The following PRKCE variants were observed in gnomAD, a reference collection of about 807,000 sequenced individuals.
The protein encoded by PRKCE is protein kinase C epsilon type.
In PRKCE, 16 loss-of-function variants were observed where a neutral mutation model predicts 85.4. That is an observed-to-expected ratio of 0.19 (90% CI 0.13 to 0.28). PRKCE has a LOEUF of 0.28. Among genes scored for constraint, PRKCE ranks in the 10% least tolerant of loss-of-function variants. PRKCE has a pLI of 1.00. For synonymous variants in PRKCE, 388 were observed against 371.5 expected (o/e 1.04, Z -0.51); for missense variants, 573 against 975.2 (o/e 0.59, Z 5.49).
intron 10 of PRKCE, among the ~76,000 whole-genome samples, chr2:46,028,227 C>G (rs56950477): frequency 0.12 from 18,401 of 152,182 alleles, 2,303 homozygotes; most frequent in African/African-American, 0.32. Flanking sequence ...CAGGCGTGAG[C>G]CACCGCGTCC....
intron 1 of PRKCE, among the ~76,000 whole-genome samples, chr2:45,765,837 G>T (rs1236625848): frequency 6.6e-6 from 1 of 152,184 alleles, no homozygotes; most frequent in Admixed American, 6.5e-5. Context: ...ATGCACAGAA[G>T]GGGATTTCCC....
chr2:45,773,604 C>T (rs1685514925), intron 1 of PRKCE, among the ~76,000 whole-genome samples: 1 of 152,238 alleles, frequency 6.6e-6, no homozygotes, highest in Non-Finnish European at 1.5e-5. Context: ...GGCCTCCCTT[C>T]TCACTGTGTA....
intron 11 of PRKCE, among the ~76,000 whole-genome samples, chr2:46,132,017 G>T (rs1384219241): frequency 6.6e-6 from 1 of 151,880 alleles, no homozygotes; most frequent in Admixed American, 6.6e-5. Flanking sequence ...GAGTCTCAAA[G>T]CATAAAAAGA....
At chr2:46,079,892 G>A (rs989777629) in intron 10 of PRKCE, among the ~76,000 whole-genome samples, 2 of 152,222 alleles carry the variant, frequency 1.3e-5, no homozygotes, top group Non-Finnish European at 1.5e-5. Context: ...CTTCCAGCCA[G>A]TAGGTCATTA....
chr2:45,751,858 C>A (rs1683596380), intron 1 of PRKCE, among the ~76,000 whole-genome samples: 1 of 119,924 alleles, frequency 8.3e-6, no homozygotes, highest in Non-Finnish European at 1.7e-5. Flanking sequence ...CGCTCTGTCG[C>A]CCAGGCTGGA....
At chr2:46,086,391 A>C (rs933845458) in intron 11 of PRKCE, 29 bp downstream of exon 11, 1 of 1,586,782 alleles carries the variant, frequency 6.3e-7, no homozygotes, top group African/African-American at 1.3e-5. Context: ...CTCTTTCCTG[A>C]AAGTGAAGAA....
At chr2:45,698,124 T>C (rs1376340982) in intron 1 of PRKCE, 1 of 152,644 alleles carries the variant, frequency 6.6e-6, no homozygotes, top group Admixed American at 6.5e-5. Flanking sequence ...CACATGCGAA[T>C]GTGGCTGTTG....
intron 2 of PRKCE, among the ~76,000 whole-genome samples, chr2:45,881,188 T>C (rs2105811793): frequency 6.6e-6 from 1 of 152,180 alleles, no homozygotes; most frequent in South Asian, 2.1e-4. Context: ...AGGGTGTATT[T>C]GCCTTCAGAG....
rs1242728639 is a variant in PRKCE at position 46,186,018 on chromosome 2, T to C, written c.*1137T>C. The stretch of plus-strand genomic sequence containing the variant: ...AAGCAGAATGAGGCTAAACATGGGT[T>C]ATACAAAGGGTATCTGGAAACTGAA... On this transcript the variant is annotated 3_prime_UTR_variant, in exon 15 of 15. Coordinates refer to ENST00000306156, the MANE Select transcript of PRKCE (RefSeq NM_005400.3). The C allele has an allele frequency of 6.6e-6, 1 of 152,658 alleles. No homozygotes were observed. Among genetic ancestry groups the C allele is most frequent in the Non-Finnish European group, 1.5e-5 (1 of 68,036 alleles). 9.5% of individuals were successfully genotyped at this position (152,658 alleles called of 1,614,324 possible).
rs1382754768 is a variant in PRKCE, at chr2:46,186,466, A to T, written c.*1585A>T. On this transcript the variant is annotated 3_prime_UTR_variant, in exon 15 of 15. Coordinates refer to ENST00000306156, the MANE Select transcript of PRKCE (RefSeq NM_005400.3). ...CAACTGCTGCATGTTCAGGCATATT[A>T]TAAAACTTTAGTCTATGAAAGAATA... The T allele has an allele frequency of 6.6e-6, 1 of 152,666 alleles. No homozygotes were observed. Among genetic ancestry groups the T allele is most frequent in the Admixed American group, 6.5e-5 (1 of 15,282 alleles). The allele number at this position is 152,666 out of a possible 1,614,324, so 9.5% of individuals were successfully genotyped here. A position where few individuals can be genotyped will look rare whatever the true frequency, so the allele number is the denominator to read the frequency against.
At chr2:45,972,208 A>G (rs1254992632) in intron 2 of PRKCE, among the ~76,000 whole-genome samples, 2 of 152,130 alleles carry the variant, frequency 1.3e-5, no homozygotes, top group Non-Finnish European at 2.9e-5. Flanking sequence ...TTCCCTGATG[A>G]TTAGTGATGT....
intron 1 of PRKCE, among the ~76,000 whole-genome samples, chr2:45,694,423 C>T (rs924419351): frequency 1.3e-5 from 2 of 152,106 alleles, no homozygotes; most frequent in African/African-American, 4.8e-5. Context: ...GACTTCAACC[C>T]CATGCCACGT....
chr2:45,763,582 G>T (rs143176945), intron 1 of PRKCE, among the ~76,000 whole-genome samples: 1,636 of 151,742 alleles, frequency 0.011, 32 homozygotes, highest in African/African-American at 0.038. Flanking sequence ...ACAGTTTTCA[G>T]CATTTAAGTT....
chr2:45,945,617 A>G (rs541452256), intron 2 of PRKCE, among the ~76,000 whole-genome samples: 2 of 152,328 alleles, frequency 1.3e-5, no homozygotes, highest in East Asian at 3.9e-4. Flanking sequence ...CATGCTATGT[A>G]CCAGGCACCA....
chr2:46,032,119 A>G (rs1259849769), intron 10 of PRKCE, among the ~76,000 whole-genome samples: 1 of 152,248 alleles, frequency 6.6e-6, no homozygotes, highest in Non-Finnish European at 1.5e-5. Flanking sequence ...TATGGCCTTT[A>G]GCACAGTGCC....
intron 10 of PRKCE, among the ~76,000 whole-genome samples, chr2:46,056,919 A>C (rs1268009836): frequency 2.0e-5 from 3 of 152,372 alleles, no homozygotes; most frequent in African/African-American, 7.2e-5. Context: ...TTGCTACAAA[A>C]GAAATCACCC....
intron 6 of PRKCE, among the ~76,000 whole-genome samples, chr2:45,999,527 G>C (rs1378206495): frequency 6.6e-6 from 1 of 151,444 alleles, no homozygotes; most frequent in African/African-American, 2.4e-5. Flanking sequence ...ATTTTCTGTA[G>C]TTTAGAAATT....
At chr2:45,886,360 G>A (rs1695303155) in intron 2 of PRKCE, among the ~76,000 whole-genome samples, 1 of 152,118 alleles carries the variant, frequency 6.6e-6, no homozygotes, top group Admixed American at 6.5e-5. Flanking sequence ...GAGAACCCCT[G>A]CCCATGACCG....
At chr2:45,727,059 A>G (rs1403802270) in intron 1 of PRKCE, among the ~76,000 whole-genome samples, 2 of 152,072 alleles carry the variant, frequency 1.3e-5, no homozygotes, top group East Asian at 3.9e-4. Flanking sequence ...TGCTAAGCAA[A>G]TTTTCTAGAT....
Sources: gnomAD v4.1 joint callset for allele counts (sites outside exome capture counted in the v4.1 genomes callset) on GRCh38, gnomAD v4.1.1 for gene constraint, MANE v1.5 for transcripts, NCBI Gene and HGNC (gene_info 2026-07-23, HGNC 2026-07-21) for gene names.